INPP4A: variants seen among roughly 807,000 people sequenced by gnomAD.
INPP4A encodes inositol polyphosphate-4-phosphatase type I A.
Under a neutral mutation model 119.8 loss-of-function variants are expected in INPP4A, and 33 were observed. That is an observed-to-expected ratio of 0.28 (90% CI 0.21 to 0.37). The LOEUF (loss-of-function observed/expected upper bound fraction) is 0.37. Ranked by LOEUF, INPP4A falls within the 10% of genes least tolerant of loss-of-function variation. INPP4A has a pLI of 1.00. For missense variants in INPP4A, 956 were observed against 1,289.9 expected, an observed-to-expected ratio of 0.74 and a Z score of 3.97; for synonymous variants, 496 against 500.7, an observed-to-expected ratio of 0.99 and a Z score of 0.12.
chr2:98,505,783 A>G (rs1683929858), intron 1 of INPP4A, among the ~76,000 whole-genome samples: 1 of 152,160 alleles, frequency 6.6e-6, no homozygotes, highest in Non-Finnish European at 1.5e-5. Context: ...CTGTTGAAAT[A>G]TATTATTTCT....
chr2:98,542,839 C>T (rs1691730593), intron 10 of INPP4A, among the ~76,000 whole-genome samples: 1 of 151,824 alleles, frequency 6.6e-6, no homozygotes. Flanking sequence ...TACCCTGTGC[C>T]TCTGTCAAGC....
At chr2:98,561,364 C>G (rs1209061769) in intron 17 of INPP4A, among the ~76,000 whole-genome samples, 3 of 152,146 alleles carry the variant, frequency 2.0e-5, no homozygotes, top group African/African-American at 7.2e-5. Flanking sequence ...TCCAGTGACC[C>G]AGGTGCCTTT....
At chr2:98,541,396 G>A (rs754872545) in intron 10 of INPP4A, among the ~76,000 whole-genome samples, 13 of 150,992 alleles carry the variant, frequency 8.6e-5, no homozygotes, top group South Asian at 2.1e-4. Flanking sequence ...ATCACCAATT[G>A]TTAATATTTT....
At chr2:98,483,552 A>C (rs949736055) in intron 1 of INPP4A, among the ~76,000 whole-genome samples, 1 of 152,110 alleles carries the variant, frequency 6.6e-6, no homozygotes, top group Non-Finnish European at 1.5e-5. Context: ...CGCCACTGCC[A>C]GTGGGAAGGG....
chr2:98,555,878 C>A lies in INPP4A; in HGVS notation c.1822+70C>A. ...TTGTGCTGCTTCCATTTGTCTGTGT[C>A]TCTGACTCCATGCCCTCCTCCCCCA... is the stretch of plus-strand genomic sequence containing the variant. On this transcript the variant is annotated intron_variant, in intron 16 of 24. Coordinates refer to ENST00000409851, the MANE Select transcript of INPP4A (RefSeq NM_001134225.2). The A allele has an allele frequency of 2.0e-6, 3 of 1,484,946 alleles. No homozygotes were observed. In the South Asian group the frequency reaches 4.0e-5, roughly 20 times the overall value. The allele number at this position is 1,484,946 out of a possible 1,614,324, so 92.0% of individuals were successfully genotyped here. A position where few individuals can be genotyped will look rare whatever the true frequency, so the allele number is the denominator to read the frequency against.
At chr2:98,462,111 G>A (rs755955664) in intron 1 of INPP4A, among the ~76,000 whole-genome samples, 3 of 152,242 alleles carry the variant, frequency 2.0e-5, no homozygotes, top group Non-Finnish European at 4.4e-5. Context: ...GAAATGGGCA[G>A]TTAATGGTTA....
Position 98,566,988 on chromosome 2 carries a change from A to C in INPP4A, c.2420+819A>C, listed in dbSNP as rs1214830625. Among the ~76,000 whole-genome samples, 1 of 152,162 alleles carries C rather than the reference A, an allele frequency of 6.6e-6. No homozygotes were observed. Among genetic ancestry groups the C allele is most frequent in the African/African-American group, 2.4e-5 (1 of 41,430 alleles). On this transcript the variant is annotated intron_variant, in intron 21 of 24. Transcript: ENST00000409851. The surrounding 1 kb of genome is among the most constrained non-coding windows in gnomAD (Gnocchi z 4.2). ...GCTGGGCCTTCTGATGTCCAACCCC[A>C]GTGGTTGATGTCCATTGACGCCTAG...
chr2:98,486,592 C>G (rs954047069), intron 1 of INPP4A, among the ~76,000 whole-genome samples: 1 of 152,276 alleles, frequency 6.6e-6, no homozygotes, highest in Non-Finnish European at 1.5e-5. Context: ...GGGTGAGGAA[C>G]ACCTGGTCCA....
In INPP4A at chr2:98,555,824, T is replaced by C. The variant is rs1419988884; in HGVS notation, c.1822+16T>C. 2 of 1,542,272 alleles carry C rather than the reference T, an allele frequency of 1.3e-6. No individual in the cohort carries two copies. Among genetic ancestry groups the C allele is most frequent in the South Asian group, 2.4e-5 (2 of 83,622 alleles). On this transcript the variant is annotated intron_variant, in intron 16 of 24. Coordinates refer to ENST00000409851, the MANE Select transcript of INPP4A (RefSeq NM_001134225.2). Reference sequence around the variant, plus strand: ...CTGACCACACGTGCGTATGCATCCATGCTTCCCATATGCTGCCTCCATTTC... The same window carrying C: ...CTGACCACACGTGCGTATGCATCCACGCTTCCCATATGCTGCCTCCATTTC...
chr2:98,501,986 G>A (rs1377306148), intron 1 of INPP4A, among the ~76,000 whole-genome samples: 1 of 152,170 alleles, frequency 6.6e-6, no homozygotes, highest in Non-Finnish European at 1.5e-5. Flanking sequence ...GGGTATCTAT[G>A]ACCTCAGTTA....
intron 22 of INPP4A, chr2:98,571,961 C>T (rs1697544874): frequency 6.6e-6 from 1 of 152,542 alleles, no homozygotes; most frequent in Non-Finnish European, 1.5e-5. Context: ...GTGGAGCACT[C>T]AGCAGCAACG....
chr2:98,446,164 C>CT (rs1472866474), intron 1 of INPP4A, among the ~76,000 whole-genome samples: 1 of 152,204 alleles, frequency 6.6e-6, no homozygotes, highest in African/African-American at 2.4e-5. Context: ...AGAGCAGAGC[C>CT]TTTTTTGCTG....
At chr2:98,450,881 C>T (rs1480489291) in intron 1 of INPP4A, among the ~76,000 whole-genome samples, 1 of 152,192 alleles carries the variant, frequency 6.6e-6, no homozygotes, top group African/African-American at 2.4e-5. Context: ...AAGCAGTACT[C>T]CTGCCTCACC....
At chr2:98,538,422 C>A (rs531304270) in intron 8 of INPP4A, among the ~76,000 whole-genome samples, 1 of 152,318 alleles carries the variant, frequency 6.6e-6, no homozygotes, top group Non-Finnish European at 1.5e-5. Flanking sequence ...CCCTGGTCCT[C>A]CTCCCCCTCT....
chr2:98,587,565 A>C lies in INPP4A; in HGVS notation c.2876A>C (p.His959Pro), dbSNP rs775278736. 6.2e-7 allele frequency: 1 copy of C among 1,605,802 alleles called. No individual in the cohort carries two copies. The highest frequency in any genetic ancestry group is 8.5e-7 in the Non-Finnish European group (1 of 1,177,686). The change falls in exon 25 of 25, where the codon CAT (histidine) becomes CCT (proline). Residue 959 changes from histidine (H) to proline (P), a missense_variant. This residue lies in a region of INPP4A where 304 missense variants were observed against 492.1 expected (regional missense o/e 0.62). Transcript: ENST00000409851. ...NSLQLKAFPK[H>P]YRPPEGTYGK... is the part of the protein sequence containing the mutation. ...CTGCAGCTGAAGGCTTTCCCCAAGC[A>C]TTACAGGCCTCCCGAAGGGACTTAC...
At chr2:98,471,769 A>G (rs1676068074) in intron 1 of INPP4A, among the ~76,000 whole-genome samples, 2 of 152,334 alleles carry the variant, frequency 1.3e-5, no homozygotes, top group South Asian at 4.1e-4. Context: ...CCTAGCCGCC[A>G]GGAGTGCCCG....
rs543238615 is a variant in INPP4A at position 98,593,189 on chromosome 2, C to T, written c.*5581C>T. On this transcript the variant is annotated 3_prime_UTR_variant, in exon 25 of 25. Transcript: ENST00000409851. The stretch of plus-strand genomic sequence containing the variant: ...GCCCCTGTGGGCCTTGCAGGCCAGT[C>T]CAGGCAGGTCTTTCACACTGTTGTC... The T allele has an allele frequency of 1.3e-5, 2 of 152,466 alleles. No homozygotes were observed. Among genetic ancestry groups the T allele is most frequent in the East Asian group, 1.9e-4 (1 of 5,188 alleles). 9.4% of individuals were successfully genotyped at this position (152,466 alleles called of 1,614,324 possible).
intron 1 of INPP4A, among the ~76,000 whole-genome samples, chr2:98,446,849 G>GT (rs201741209): frequency 9.9e-5 from 15 of 151,862 alleles, no homozygotes; most frequent in East Asian, 1.9e-4. Flanking sequence ...GAATATTAGC[G>GT]TTTTTTAAAA....
intron 1 of INPP4A, among the ~76,000 whole-genome samples, chr2:98,506,347 G>A (rs980003253): frequency 8.5e-5 from 13 of 152,252 alleles, no homozygotes; most frequent in African/African-American, 3.1e-4. Flanking sequence ...TGCTGCTGCT[G>A]ACCTTGAGGG....
Sources: gnomAD v4.1 joint callset for allele counts (sites outside exome capture counted in the v4.1 genomes callset) on GRCh38, gnomAD v4.1.1 for gene constraint, gnomAD v4.1.1 regional missense constraint, Gnocchi (gnomAD v3.1) non-coding constraint, MANE v1.5 for transcripts, NCBI Gene and HGNC (gene_info 2026-07-23, HGNC 2026-07-21) for gene names.